Variants in CSMD1 observed in about 807,000 individuals in gnomAD.
CSMD1 encodes the protein CUB and sushi domain-containing protein 1.
CSMD1 carries 213 observed loss-of-function variants against 417.5 expected under a neutral mutation model. The ratio of observed to expected loss-of-function variants is 0.51; its 90% CI spans 0.46 to 0.57. The LOEUF (loss-of-function observed/expected upper bound fraction) is 0.57, where lower values mean the gene tolerates loss of function less well. Among genes scored for constraint, CSMD1 ranks in the 20% least tolerant of loss-of-function variants. The pLI is 0.00. For missense variants in CSMD1, 6,923 were observed against 4,529.7 expected (o/e 1.53, Z -15.17); for synonymous variants, 2,862 against 1,736.8 (o/e 1.65, Z -16.11).
At chr8:3,236,937 C>T (rs1331249775) in intron 26 of CSMD1, among the ~76,000 whole-genome samples, 1 of 152,166 alleles carries the variant, frequency 6.6e-6, no homozygotes, top group African/African-American at 2.4e-5. Context: ...CACAGAGGCA[C>T]TTTCCACAGG....
At chr8:3,156,052 A>C (rs1449124433) in intron 39 of CSMD1, among the ~76,000 whole-genome samples, 2 of 152,238 alleles carry the variant, frequency 1.3e-5, no homozygotes, top group African/African-American at 4.8e-5. Flanking sequence ...ACCTCGCTTT[A>C]CTTGTGGGTG....
intron 3 of CSMD1, among the ~76,000 whole-genome samples, chr8:4,130,735 A>T (rs1028407288): frequency 2.0e-5 from 3 of 151,996 alleles, no homozygotes; most frequent in African/African-American, 7.3e-5. Context: ...TTGTCTATCA[A>T]CTCAAAGGAA....
chr8:4,782,608 A>G (rs1021883771), intron 1 of CSMD1, among the ~76,000 whole-genome samples: 1 of 152,138 alleles, frequency 6.6e-6, no homozygotes, highest in African/African-American at 2.4e-5. Context: ...AGGTACTGAA[A>G]ATAAACTCTG....
At chr8:3,316,533 C>G (rs544117910) in intron 23 of CSMD1, among the ~76,000 whole-genome samples, 1 of 97,450 alleles carries the variant, frequency 1.0e-5, no homozygotes, top group Non-Finnish European at 2.3e-5. Flanking sequence ...GTGAGCCTTG[C>G]GGGAGAGGGT....
intron 7 of CSMD1, among the ~76,000 whole-genome samples, chr8:3,619,181 C>T (rs925092308): frequency 1.3e-5 from 2 of 151,974 alleles, no homozygotes; most frequent in East Asian, 1.9e-4. Flanking sequence ...TTAAAAGCAG[C>T]TGGGGAAAAA....
chr8:3,644,606 G>C (rs183556216), intron 7 of CSMD1, among the ~76,000 whole-genome samples: 1 of 152,138 alleles, frequency 6.6e-6, no homozygotes. Flanking sequence ...GGAATGAACG[G>C]GATAAGAGAT....
intron 1 of CSMD1, chr8:4,788,427 G>C: frequency 7.5e-7 from 1 of 1,336,118 alleles, no homozygotes. Context: ...CAGGGTCTTG[G>C]CTGTTCAACC....
chr8:3,496,802 C>G (rs1379702645), intron 10 of CSMD1, among the ~76,000 whole-genome samples: 1 of 152,106 alleles, frequency 6.6e-6, no homozygotes, highest in Non-Finnish European at 1.5e-5. Flanking sequence ...TGCACTCCAA[C>G]CTGGGCAACA....
At chr8:3,383,522 C>G (rs959618892) in intron 18 of CSMD1, among the ~76,000 whole-genome samples, 1 of 152,116 alleles carries the variant, frequency 6.6e-6, no homozygotes, top group Admixed American at 6.5e-5. Context: ...TGGAGGGAAG[C>G]CTTCTTCCAC....
At chr8:3,228,154 A>G (rs550126608) in intron 27 of CSMD1, among the ~76,000 whole-genome samples, 1 of 152,358 alleles carries the variant, frequency 6.6e-6, no homozygotes, top group South Asian at 2.1e-4. Context: ...CCAGGTAAAA[A>G]GATGACAACT....
chr8:3,971,083 A>T (rs796394266), intron 5 of CSMD1, among the ~76,000 whole-genome samples: 32 of 152,266 alleles, frequency 2.1e-4, no homozygotes, highest in African/African-American at 7.2e-4. Flanking sequence ...GGGGGAGCCG[A>T]TGTCTGATGA....
intron 1 of CSMD1, among the ~76,000 whole-genome samples, chr8:4,739,693 C>G (rs1407615191): frequency 6.6e-6 from 1 of 152,148 alleles, no homozygotes; most frequent in Non-Finnish European, 1.5e-5. Flanking sequence ...TTTTGTCTAG[C>G]ATTTTGTGTC....
chr8:4,730,013 G>A (rs1002723912), intron 1 of CSMD1, among the ~76,000 whole-genome samples: 2 of 152,026 alleles, frequency 1.3e-5, no homozygotes, highest in Non-Finnish European at 2.9e-5. Flanking sequence ...TCGTGATTCA[G>A]AGCACACCTG....
rs921495108 is a variant in CSMD1, at chr8:4,960,280, T to A, written c.85+34052A>T. Among the ~76,000 whole-genome samples the A allele has an allele frequency of 2.6e-5, 4 of 152,216 alleles. No homozygotes were observed. The East Asian group carries it at 5.8e-4, about 22-fold the overall frequency. ...GAAAAGATAAACTATACATAACATT[T>A]GTTTAATTTTGCAACGCCCCTGATA... On this transcript the variant is annotated intron_variant, in intron 1 of 69. Coordinates refer to ENST00000635120, the MANE Select transcript of CSMD1 (RefSeq NM_033225.6).
At chr8:3,357,905 C>A (rs73505695) in intron 21 of CSMD1, among the ~76,000 whole-genome samples, 1 of 152,120 alleles carries the variant, frequency 6.6e-6, no homozygotes, top group Non-Finnish European at 1.5e-5. Flanking sequence ...GAAACAGACA[C>A]AGATGATTTG....
intron 5 of CSMD1, among the ~76,000 whole-genome samples, chr8:3,891,131 C>T (rs1385827376): frequency 6.6e-6 from 1 of 152,024 alleles, no homozygotes; most frequent in Admixed American, 6.5e-5. Context: ...TCATTACAAC[C>T]TCCACCTCTT....
At chr8:3,177,282 G>A (rs1821000973) in intron 37 of CSMD1, among the ~76,000 whole-genome samples, 1 of 152,164 alleles carries the variant, frequency 6.6e-6, no homozygotes, top group Non-Finnish European at 1.5e-5. Flanking sequence ...GCCTCTATCA[G>A]GGGGCTATAA....
chr8:4,121,154 G>A (rs112854574), intron 3 of CSMD1, among the ~76,000 whole-genome samples: 1,909 of 151,720 alleles, frequency 0.013, 35 homozygotes, highest in African/African-American at 0.043. Context: ...TCACTCTGTT[G>A]TCCAGGCTGG....
chr8:2,969,466 A>C (rs555940301), intron 57 of CSMD1, among the ~76,000 whole-genome samples: 1 of 152,350 alleles, frequency 6.6e-6, no homozygotes, highest in South Asian at 2.1e-4. Flanking sequence ...TGAAGGAAAT[A>C]TATCTGCAAT....
Sources: gnomAD v4.1 joint callset for allele counts (sites outside exome capture counted in the v4.1 genomes callset) on GRCh38, gnomAD v4.1.1 for gene constraint, MANE v1.5 for transcripts, NCBI Gene and HGNC (gene_info 2026-07-23, HGNC 2026-07-21) for gene names.